Variants in ITPK1 observed in about 807,000 individuals in gnomAD.
The protein encoded by ITPK1 is inositol-tetrakisphosphate 1-kinase, also known as inositol 1,3,4-trisphosphate 5/6-kinase.
ITPK1 carries 21 observed loss-of-function variants against 45.3 expected under a neutral mutation model. That is an observed-to-expected ratio of 0.46 (90% CI 0.33 to 0.67). The LOEUF is 0.67. Among genes scored for constraint, ITPK1 ranks in the 30% least tolerant of loss-of-function variants. The pLI, the probability that ITPK1 is intolerant of heterozygous loss-of-function variation, is 0.02. For synonymous variants in ITPK1, 258 were observed against 253.6 expected (o/e 1.02, Z -0.16); for missense variants, 474 against 573.5 (o/e 0.83, Z 1.77).
chr14:93,072,795 C>A (rs1223206522), intron 3 of ITPK1, among the ~76,000 whole-genome samples: 3 of 152,068 alleles, frequency 2.0e-5, no homozygotes, highest in African/African-American at 2.4e-5. Flanking sequence ...TGGGGGGGAA[C>A]CCTCAGACGA....
chr14:92,983,638 G>C (rs1199211542), intron 5 of ITPK1, among the ~76,000 whole-genome samples: 2 of 152,142 alleles, frequency 1.3e-5, no homozygotes, highest in Non-Finnish European at 2.9e-5. Context: ...ATCGAGGTGG[G>C]TACGGCTTCC....
chr14:93,047,526 G>A (rs1382302780), intron 3 of ITPK1, among the ~76,000 whole-genome samples: 1 of 152,212 alleles, frequency 6.6e-6, no homozygotes, highest in African/African-American at 2.4e-5. Context: ...CAGGCAGGAC[G>A]GCCAAGTGGG....
At chr14:93,009,925 G>A (rs181493312) in intron 4 of ITPK1, among the ~76,000 whole-genome samples, 1 of 152,264 alleles carries the variant, frequency 6.6e-6, no homozygotes. Flanking sequence ...CTTTCTACCT[G>A]ACCCTGGGCA....
intron 5 of ITPK1, among the ~76,000 whole-genome samples, chr14:92,991,663 T>A (rs567004792): frequency 2.0e-5 from 3 of 152,204 alleles, no homozygotes; most frequent in South Asian, 4.1e-4. Context: ...CAGAGGTACC[T>A]CCTGGGCCTT....
chr14:92,989,543 C>G (rs1409550753), intron 5 of ITPK1, among the ~76,000 whole-genome samples: 2 of 152,158 alleles, frequency 1.3e-5, no homozygotes, highest in Non-Finnish European at 2.9e-5. Flanking sequence ...TGCCCAGAAT[C>G]GCTCACCCTA....
chr14:92,971,351 C>T (rs1194992806), intron 5 of ITPK1, among the ~76,000 whole-genome samples: 1 of 152,204 alleles, frequency 6.6e-6, no homozygotes, highest in African/African-American at 2.4e-5. Flanking sequence ...AAAATGAGGA[C>T]TAGAACAGCA....
intron 2 of ITPK1, among the ~76,000 whole-genome samples, chr14:93,105,820 C>T (rs1172487758): frequency 6.6e-6 from 1 of 151,836 alleles, no homozygotes; most frequent in Non-Finnish European, 1.5e-5. Flanking sequence ...TCTCCTGCCT[C>T]AGCCTCCCGA....
At chr14:92,952,660 C>G (rs572543539) in intron 8 of ITPK1, among the ~76,000 whole-genome samples, 1 of 152,336 alleles carries the variant, frequency 6.6e-6, no homozygotes, top group East Asian at 1.9e-4. Context: ...TCACCCCACA[C>G]GTCTGGCTCC....
rs1272929417 is a variant in ITPK1, at chr14:92,962,382, T to C, written c.477A>G (p.Arg159=). ...GLTFPFICKT[R]VAHGTNSHEM... ...CGTGAGAGTTGGTGCCATGAGCCAC[T>C]CTGGTTTTGCAAACTATGGGTTGGG... Residue 159 remains arginine, a synonymous_variant, in exon 7 of 11, where the codon AGA becomes AGG. Coordinates refer to ENST00000267615, the MANE Select transcript of ITPK1 (RefSeq NM_014216.6). 2 of 1,610,514 alleles carry C rather than the reference T, an allele frequency of 1.2e-6. No homozygotes were observed. The highest frequency in any genetic ancestry group is 3.3e-5 in the Admixed American group (2 of 59,996).
intron 9 of ITPK1, among the ~76,000 whole-genome samples, chr14:92,951,035 C>T (rs979300133): frequency 1.6e-4 from 24 of 152,198 alleles, no homozygotes; most frequent in African/African-American, 4.8e-4. Context: ...GGCAGCCCCC[C>T]GAGGGACACG....
chr14:93,092,942 C>T (rs1566781972), intron 2 of ITPK1, among the ~76,000 whole-genome samples: 1 of 152,182 alleles, frequency 6.6e-6, no homozygotes, highest in Non-Finnish European at 1.5e-5. Context: ...AGCCACGGCG[C>T]GTGCCTCCAG....
chr14:92,947,233 C>T (rs1314303430), intron 9 of ITPK1, among the ~76,000 whole-genome samples: 1 of 152,264 alleles, frequency 6.6e-6, no homozygotes, highest in Non-Finnish European at 1.5e-5. Flanking sequence ...GCGGGCTCCC[C>T]AGAGAGGCTG....
At chr14:92,991,527 C>A (rs974281731) in intron 5 of ITPK1, among the ~76,000 whole-genome samples, 2 of 152,124 alleles carry the variant, frequency 1.3e-5, no homozygotes, top group Non-Finnish European at 2.9e-5. Flanking sequence ...CACAGCTCTC[C>A]CCTTATGGGT....
intron 3 of ITPK1, among the ~76,000 whole-genome samples, chr14:93,030,771 C>T (rs1366159567): frequency 6.6e-6 from 1 of 152,310 alleles, no homozygotes; most frequent in Middle Eastern, 3.4e-3. Context: ...AGAACGTGAC[C>T]TGGTTAGGAA....
intron 2 of ITPK1, among the ~76,000 whole-genome samples, chr14:93,108,778 C>T (rs1189524506): frequency 1.3e-5 from 2 of 152,136 alleles, no homozygotes; most frequent in Non-Finnish European, 2.9e-5. Context: ...TTTGGGAGGC[C>T]GAGGTGGGCA....
rs537950413 is a variant in ITPK1 at position 92,986,083 on chromosome 14, C to T, written c.364+7797G>A. On this transcript the variant is annotated intron_variant, in intron 5 of 10. Coordinates refer to ENST00000267615, the MANE Select transcript of ITPK1 (RefSeq NM_014216.6). ...ATGGAGACAGCACTGGACTGAGAGT[C>T]GGAAAGGTGCTGAGTGGTCCTGGGT... Among the ~76,000 whole-genome samples, 28 of 152,284 alleles carry T rather than the reference C, an allele frequency of 1.8e-4. No individual in the cohort carries two copies. In the East Asian group the frequency reaches 4.6e-3, roughly 25 times the overall value.
intron 2 of ITPK1, among the ~76,000 whole-genome samples, chr14:93,093,797 T>C (rs930592863): frequency 6.6e-5 from 10 of 152,214 alleles, no homozygotes; most frequent in African/African-American, 2.2e-4. Flanking sequence ...CACCACTGCC[T>C]GGACAATCGC....
intron 9 of ITPK1, among the ~76,000 whole-genome samples, chr14:92,948,647 T>TA (rs36040096): frequency 0.011 from 1,587 of 145,232 alleles, 33 homozygotes; most frequent in African/African-American, 0.036. Flanking sequence ...GCACCTGAAT[T>TA]AAAAAAAAAA....
rs1040770042 is a variant in ITPK1 at position 92,941,389 on chromosome 14, A to G, written c.*172T>C. The G allele has an allele frequency of 9.2e-6, 13 of 1,417,222 alleles. No homozygotes were observed. The highest frequency in any genetic ancestry group is 3.1e-5 in the Admixed American group (1 of 32,130). The allele number at this position is 1,417,222 out of a possible 1,614,324, so 87.8% of individuals were successfully genotyped here. On this transcript the variant is annotated 3_prime_UTR_variant, in exon 11 of 11. Coordinates refer to ENST00000267615, the MANE Select transcript of ITPK1 (RefSeq NM_014216.6). ...GGTGGACCACCTGGTACTCTCTTCC[A>G]TCCCCCACTACCCCTCATTTAGATC...
Sources: gnomAD v4.1 joint callset for allele counts (sites outside exome capture counted in the v4.1 genomes callset) on GRCh38, gnomAD v4.1.1 for gene constraint, MANE v1.5 for transcripts, NCBI Gene and HGNC (gene_info 2026-07-23, HGNC 2026-07-21) for gene names.